Variants in CDH4 observed in about 807,000 individuals in gnomAD.
The protein encoded by CDH4 is cadherin 4, also known as cadherin-4.
A neutral mutation model predicts 86.0 loss-of-function variants in CDH4; 33 were observed. The observed-to-expected ratio is 0.38, with a 90% CI of 0.29 to 0.51. The LOEUF is 0.51. Ranked by LOEUF, CDH4 falls within the 20% of genes least tolerant of loss-of-function variation. The pLI, the probability that CDH4 is intolerant of heterozygous loss-of-function variation, is 0.86. For synonymous variants in CDH4, 555 were observed against 549.4 expected (o/e 1.01, Z -0.14); for missense variants, 1,114 against 1,307.4 (o/e 0.85, Z 2.28).
chr20:61,293,591 G>A (rs535149044), intron 2 of CDH4, among the ~76,000 whole-genome samples: 5 of 152,328 alleles, frequency 3.3e-5, no homozygotes, highest in South Asian at 4.1e-4. Context: ...CCCCATCAGC[G>A]GGACAGAGAG....
rs2055231475 is a variant in CDH4 at position 61,939,011 on chromosome 20, G to T, written c.*2068G>T. ...GGGCAGCTGGCCAGGCCGCACCGGG[G>T]TCCCCGAGTTCTGAGCTGTGCTATG... On this transcript the variant is annotated 3_prime_UTR_variant, in exon 16 of 16. Coordinates refer to ENST00000614565, the MANE Select transcript of CDH4 (RefSeq NM_001794.5). 1 of 152,498 alleles carries T rather than the reference G, an allele frequency of 6.6e-6. No individual in the cohort carries two copies. The highest frequency in any genetic ancestry group is 2.1e-4 in the South Asian group (1 of 4,838). The allele number at this position is 152,498 out of a possible 1,614,324, so 9.4% of individuals were successfully genotyped here. A position where few individuals can be genotyped will look rare whatever the true frequency, so the allele number is the denominator to read the frequency against.
At chr20:61,723,034 C>A (rs2088060379) in intron 2 of CDH4, among the ~76,000 whole-genome samples, 1 of 152,146 alleles carries the variant, frequency 6.6e-6, no homozygotes, top group South Asian at 2.1e-4. Context: ...GAAGAGGACG[C>A]TGTAGAAGAC....
At chr20:61,368,256 A>T (rs1445791954) in intron 2 of CDH4, among the ~76,000 whole-genome samples, 1 of 152,118 alleles carries the variant, frequency 6.6e-6, no homozygotes, top group Non-Finnish European at 1.5e-5. Flanking sequence ...CTGTGCTCTG[A>T]GTGTTTTATG....
At chr20:61,678,085 CAT>C (rs1449442690) in intron 2 of CDH4, among the ~76,000 whole-genome samples, 33 of 151,512 alleles carry the variant, frequency 2.2e-4, no homozygotes, top group East Asian at 9.8e-4. Flanking sequence ...ACACACATAA[CAT>C]ATATTTTGGA....
rs916949238 is a variant in CDH4, at chr20:61,510,590, G to T, written c.170-232973G>T. 2.0e-5 allele frequency among the ~76,000 whole-genome samples: 3 copies of T among 152,172 alleles called. No individual in the cohort carries two copies. The highest frequency in any genetic ancestry group is 4.8e-5 in the African/African-American group (2 of 41,440). ...GGGGTGATGACCGACCTCAGGACTA[G>T]GTAGCTCCCATTACTGCTTGGTGGC... On this transcript the variant is annotated intron_variant, in intron 2 of 15. Transcript: ENST00000614565. The surrounding 1 kb of genome is among the most constrained non-coding windows in gnomAD (Gnocchi z 4.2).
chr20:61,597,469 C>G (rs915017052), intron 2 of CDH4, among the ~76,000 whole-genome samples: 1 of 152,250 alleles, frequency 6.6e-6, no homozygotes, highest in Non-Finnish European at 1.5e-5. Context: ...TCCACCTTCC[C>G]CAGTACAGAT....
intron 2 of CDH4, among the ~76,000 whole-genome samples, chr20:61,706,655 G>A (rs978000624): frequency 5.3e-5 from 8 of 152,062 alleles, no homozygotes; most frequent in East Asian, 3.9e-4. Context: ...GGTTTCTCCC[G>A]AGCTGCACAC....
intron 2 of CDH4, among the ~76,000 whole-genome samples, chr20:61,579,636 G>T (rs1430374527): frequency 2.6e-5 from 4 of 152,024 alleles, no homozygotes; most frequent in Non-Finnish European, 4.4e-5. Context: ...GCCCCAGGTT[G>T]TGTTCCCTGA....
chr20:61,552,928 C>A (rs1216373803), intron 2 of CDH4, among the ~76,000 whole-genome samples: 1 of 152,078 alleles, frequency 6.6e-6, no homozygotes, highest in Non-Finnish European at 1.5e-5. Context: ...AGCATATGAC[C>A]CAGAAATGTG....
chr20:61,910,845 C>A (rs1297925292), intron 9 of CDH4, among the ~76,000 whole-genome samples: 4 of 152,160 alleles, frequency 2.6e-5, no homozygotes, highest in African/African-American at 9.7e-5. Flanking sequence ...TTTTCAATGT[C>A]TATATATTCA....
chr20:61,649,268 C>T (rs916953675), intron 2 of CDH4, among the ~76,000 whole-genome samples: 4 of 152,202 alleles, frequency 2.6e-5, no homozygotes, highest in African/African-American at 9.7e-5. Context: ...GCATCACAGA[C>T]CCATCCTGTG....
chr20:61,567,376 G>A (rs1441916211), intron 2 of CDH4, among the ~76,000 whole-genome samples: 2 of 152,250 alleles, frequency 1.3e-5, no homozygotes, highest in African/African-American at 4.8e-5. Flanking sequence ...AGAACCAGCA[G>A]ATTCAGTGTG....
rs1286006925 is a variant in CDH4, at chr20:61,854,928, AGG to A, written c.877+2033_877+2034del. On this transcript the variant is annotated intron_variant, in intron 6 of 15. Transcript: ENST00000614565. The stretch of plus-strand genomic sequence containing the variant: ...TGAATTGCGCCTTTGGCCCACCCCC[AGG>A]GGTGCAGTGTGAACAGGGTGAATTG... Among the ~76,000 whole-genome samples the A allele has an allele frequency of 4.9e-5, 7 of 142,830 alleles. 2 individuals are homozygous for A. Among genetic ancestry groups the A allele is most frequent in the Non-Finnish European group, 1.1e-4 (7 of 65,728 alleles). The allele number at this position is 142,830 out of a possible 152,430, so 93.7% of individuals were successfully genotyped here.
intron 2 of CDH4, among the ~76,000 whole-genome samples, chr20:61,525,019 T>C (rs1439635987): frequency 6.6e-6 from 1 of 152,208 alleles, no homozygotes; most frequent in Non-Finnish European, 1.5e-5. Flanking sequence ...CTGGCTTCAA[T>C]GCCAGCTTTT....
chr20:61,890,196 T>TGAAC (rs1984754693), intron 7 of CDH4, among the ~76,000 whole-genome samples: 1 of 142,210 alleles, frequency 7.0e-6, no homozygotes, highest in Non-Finnish European at 1.5e-5. Flanking sequence ...GGATAGATGA[T>TGAAC]GGATGGATAG....
intron 4 of CDH4, among the ~76,000 whole-genome samples, chr20:61,776,348 A>C (rs1468216081): frequency 6.6e-6 from 1 of 152,206 alleles, no homozygotes; most frequent in Non-Finnish European, 1.5e-5. Context: ...TGACCTTTCT[A>C]AACTAGAAAT....
At chr20:61,666,933 G>A (rs571234910) in intron 2 of CDH4, among the ~76,000 whole-genome samples, 1 of 152,318 alleles carries the variant, frequency 6.6e-6, no homozygotes, top group South Asian at 2.1e-4. Context: ...GCAAAGCCTG[G>A]AGAAGGGTGA....
chr20:61,802,546 TG>T (rs1295332524), intron 4 of CDH4, among the ~76,000 whole-genome samples: 1 of 151,756 alleles, frequency 6.6e-6, no homozygotes, highest in Non-Finnish European at 1.5e-5. Flanking sequence ...AAAACTTACT[TG>T]GGGAAAAAAA....
At position 61,684,030 on chromosome 20, in the gene CDH4, C is replaced by T. The variant is rs1323793947; in HGVS notation, c.170-59533C>T. Among the ~76,000 whole-genome samples the T allele has an allele frequency of 6.6e-6, 1 of 152,224 alleles. No homozygotes were observed. The highest frequency in any genetic ancestry group is 1.5e-5 in the Non-Finnish European group (1 of 68,042). On this transcript the variant is annotated intron_variant, in intron 2 of 15. Transcript: ENST00000614565. This position sits in a 1 kb window ranked among gnomAD's most constrained non-coding sequence, Gnocchi z 4.5. ...TCTGGGGAGGTGGGCGTGGCAGGGA[C>T]TACAGCCAGAGCTGGGTCTGTTTGG...
Sources: allele counts gnomAD v4.1 joint callset (sites outside exome capture counted in the v4.1 genomes callset), GRCh38; gene constraint gnomAD v4.1.1; non-coding constraint Gnocchi (gnomAD v3.1); transcripts MANE v1.5; gene names NCBI Gene and HGNC (gene_info 2026-07-23, HGNC 2026-07-21).